The following FCER2 variants were observed in gnomAD, a reference collection of about 807,000 sequenced individuals.
FCER2 encodes the protein low affinity immunoglobulin epsilon Fc receptor.
FCER2 carries 38 observed loss-of-function variants against 49.7 expected under a neutral mutation model. The observed-to-expected ratio is 0.76, with a 90% CI of 0.59 to 1.00. The LOEUF is 1.00. FCER2 is among the 50% of genes least tolerant of loss of function. The pLI is 0.00. For synonymous variants in FCER2, 163 were observed against 164.6 expected, an observed-to-expected ratio of 0.99 and a Z score of 0.07; for missense variants, 425 against 419.5, an observed-to-expected ratio of 1.01 and a Z score of -0.11.
chr19:7,695,920 CTT>C (rs60387474), intron 8 of FCER2, among the ~76,000 whole-genome samples: 105 of 80,680 alleles, frequency 1.3e-3, no homozygotes, highest in Middle Eastern at 0.014. Flanking sequence ...CCATCTCTCT[CTT>C]TTTTTTTTTT....
In FCER2 at chr19:7,689,319, C is replaced by A. The variant is rs755845619; in HGVS notation, c.840G>T (p.Trp280Cys). The stretch of plus-strand genomic sequence containing the variant: ...TGCATGTGGCCAGCCGGTCGCACAC[C>A]CAGGCGCCCAGCTTACGGTCGCAGA... ...DAFCDRKLGA[W>C]VCDRLATCTP... The change falls in exon 11 of 11, where the codon TGG (tryptophan) becomes TGT (cysteine). Residue 280 changes from tryptophan (W) to cysteine (C), a missense_variant. Physicochemically the swap from Trp to Cys is radical, Grantham distance 215 (BLOSUM62 -2). Coordinates refer to ENST00000597921, the MANE Select transcript of FCER2 (RefSeq NM_001220500.2). The A allele has an allele frequency of 1.9e-6, 3 of 1,613,178 alleles. No individual in the cohort carries two copies. Among genetic ancestry groups the A allele is most frequent in the Middle Eastern group, 1.7e-4 (1 of 5,860 alleles).
At position 7,694,222 on chromosome 19, in the gene FCER2, A is replaced by G. The variant is rs993536023; in HGVS notation, c.469+2603T>C. Among the ~76,000 whole-genome samples the G allele has an allele frequency of 5.7e-4, 86 of 152,198 alleles. 1 individual carries two copies. Among genetic ancestry groups the G allele is most frequent in the Non-Finnish European group, 1.8e-4 (12 of 68,030 alleles). ...AGCGTTAAAACAGGAAGAGGTGGCC[A>G]GGTGCAGTGGCTCATACTTGTAATC... On this transcript the variant is annotated intron_variant, in intron 8 of 10. Coordinates refer to ENST00000597921, the MANE Select transcript of FCER2 (RefSeq NM_001220500.2).
intron 8 of FCER2, among the ~76,000 whole-genome samples, chr19:7,692,884 C>T (rs1384044692): frequency 6.6e-6 from 1 of 152,082 alleles, no homozygotes; most frequent in East Asian, 1.9e-4. Context: ...TCCAATAACA[C>T]TTCAACCACC....
chr19:7,699,090 CA>C (rs1321665110), intron 2 of FCER2, among the ~76,000 whole-genome samples: 3 of 151,962 alleles, frequency 2.0e-5, no homozygotes, highest in Non-Finnish European at 2.9e-5. Flanking sequence ...CCCTCAGCCC[CA>C]ACAACCAATG....
In FCER2 at chr19:7,689,336, G is replaced by T. The variant is rs139146098; in HGVS notation, c.823C>A (p.Arg275Ser). Residue 275 changes from arginine (R) to serine (S), a missense_variant, in exon 11 of 11, where the codon CGT becomes AGT. Transcript: ENST00000597921. ...SGRWNDAFCDRKLGAWVCDRL... is the reference protein window; with the variant it reads ...SGRWNDAFCDSKLGAWVCDRL... ...TCGCACACCCAGGCGCCCAGCTTAC[G>T]GTCGCAGAAGGCGTCGTTCCAGCGA... 5.6e-6 allele frequency: 9 copies of T among 1,612,366 alleles called. No individual in the cohort carries two copies. Among genetic ancestry groups the T allele is most frequent in the Non-Finnish European group, 7.6e-6 (9 of 1,179,552 alleles).
intron 3 of FCER2, 36 bp from the exon 4 acceptor site, chr19:7,698,445 G>C: frequency 2.0e-6 from 3 of 1,509,938 alleles, no homozygotes; most frequent in Non-Finnish European, 2.7e-6. Flanking sequence ...GGAGAGGGGG[G>C]ATTGTCAGTG....
chr19:7,695,017 G>T (rs374829128), intron 8 of FCER2, among the ~76,000 whole-genome samples: 1 of 152,058 alleles, frequency 6.6e-6, no homozygotes, highest in African/African-American at 2.4e-5. Flanking sequence ...TCATGTTTTT[G>T]TTGAGGCAGG....
At position 7,699,727 on chromosome 19, in the gene FCER2, G is replaced by C. The variant is rs919275832; in HGVS notation, c.22+12C>G. 5.0e-6 allele frequency: 8 copies of C among 1,613,418 alleles called. No homozygotes were observed. Among genetic ancestry groups the C allele is most frequent in the East Asian group, 4.5e-5 (2 of 44,858 alleles). Reference sequence around the variant, plus strand: ...TGCTTCTGCCAACGTTAGAACCAGAGAGTCCTCCTACCTGAATATTGACCT... The same window carrying C: ...TGCTTCTGCCAACGTTAGAACCAGACAGTCCTCCTACCTGAATATTGACCT... On this transcript the variant is annotated intron_variant, in intron 2 of 10. Transcript: ENST00000597921.
intron 5 of FCER2, 44 bp downstream of exon 5, chr19:7,697,483 C>T (rs1484434590): frequency 6.4e-7 from 1 of 1,558,962 alleles, no homozygotes; most frequent in South Asian, 1.1e-5. Context: ...ATCCAAGACC[C>T]CCTCGCTTTT....
chr19:7,691,382 C>T lies in FCER2; in HGVS notation c.470-825G>A, dbSNP rs546034651. Among the ~76,000 whole-genome samples, 363 of 150,842 alleles carry T rather than the reference C, an allele frequency of 2.4e-3. 1 individual carries two copies. Among genetic ancestry groups the T allele is most frequent in the African/African-American group, 8.6e-3 (353 of 41,010 alleles). ...AGCCAGCAGCACCTCAGCCACAAAT[C>T]CCATCATCACAAATGCTTCACAGCG... is the stretch of plus-strand genomic sequence containing the variant. On this transcript the variant is annotated intron_variant, in intron 8 of 10. Coordinates refer to ENST00000597921, the MANE Select transcript of FCER2 (RefSeq NM_001220500.2).
chr19:7,699,650 G>T, intron 2 of FCER2, 89 bp downstream of exon 2: 1 of 1,328,322 alleles, frequency 7.5e-7, no homozygotes. Flanking sequence ...CCCAGAGAGG[G>T]ACTGGGGAGC....
chr19:7,691,216 A>ATATTT (rs1472113144), intron 8 of FCER2, among the ~76,000 whole-genome samples: 1 of 152,010 alleles, frequency 6.6e-6, no homozygotes, highest in Non-Finnish European at 1.5e-5. Flanking sequence ...TTCATGTCCA[A>ATATTT]CAACACTTCA....
intron 8 of FCER2, among the ~76,000 whole-genome samples, chr19:7,695,924 T>C (rs1018821903): frequency 4.9e-5 from 7 of 142,880 alleles, no homozygotes; most frequent in African/African-American, 1.3e-4. Flanking sequence ...CTCTCTCTTT[T>C]TTTTTTTTTT....
chr19:7,699,357 C>A, intron 2 of FCER2: 1 of 1,311,394 alleles, frequency 7.6e-7, no homozygotes, highest in Non-Finnish European at 1.0e-6. Flanking sequence ...CACCTCAAGC[C>A]CCTGGCCCTC....
intron 8 of FCER2, among the ~76,000 whole-genome samples, chr19:7,690,887 C>T (rs964073705): frequency 2.6e-5 from 4 of 152,112 alleles, no homozygotes; most frequent in African/African-American, 9.7e-5. Context: ...AACACTGCCA[C>T]CACACATTCA....
chr19:7,690,974 C>G (rs2032851273), intron 8 of FCER2, among the ~76,000 whole-genome samples: 1 of 151,990 alleles, frequency 6.6e-6, no homozygotes, highest in Non-Finnish European at 1.5e-5. Context: ...CCACAGACAC[C>G]TCACGGCTAG....
chr19:7,700,302 C>T (rs753651447), intron 1 of FCER2, among the ~76,000 whole-genome samples: 1 of 152,130 alleles, frequency 6.6e-6, no homozygotes, highest in South Asian at 2.1e-4. Context: ...GCACCCAACT[C>T]ATGAGGCCAA....
rs933258688 is a variant in FCER2 at position 7,699,109 on chromosome 19, C to T, written c.23-255G>A. 4.9e-4 allele frequency among the ~76,000 whole-genome samples: 75 copies of T among 151,958 alleles called. 3 individuals carry two copies. Among genetic ancestry groups the T allele is most frequent in the Non-Finnish European group, 8.8e-5 (6 of 68,002 alleles). Reference sequence around the variant, plus strand: ...CAGCCCCAACAACCAATGCCAGGCCCCCAGCTTCACTTCCAGAAGACTAGG... The same window carrying T: ...CAGCCCCAACAACCAATGCCAGGCCTCCAGCTTCACTTCCAGAAGACTAGG... On this transcript the variant is annotated intron_variant, in intron 2 of 10. Coordinates refer to ENST00000597921, the MANE Select transcript of FCER2 (RefSeq NM_001220500.2).
chr19:7,693,642 TTTTTGTTTTG>T (rs368393689), intron 8 of FCER2, among the ~76,000 whole-genome samples: 1 of 151,886 alleles, frequency 6.6e-6, no homozygotes, highest in East Asian at 1.9e-4. Context: ...GGTCAGATGT[TTTTTGTTTTG>T]TTTTGTTTTG....
Sources: allele counts gnomAD v4.1 joint callset (sites outside exome capture counted in the v4.1 genomes callset), GRCh38; gene constraint gnomAD v4.1.1; transcripts MANE v1.5; gene names NCBI Gene and HGNC (gene_info 2026-07-23, HGNC 2026-07-21).